Variants in VGLL3 observed in about 807,000 individuals in gnomAD.
VGLL3 encodes the protein vestigial like family member 3.
In VGLL3, 18 loss-of-function variants were observed where a neutral mutation model predicts 29.2. The observed-to-expected ratio is 0.62, with a 90% CI of 0.43 to 0.91. VGLL3 has a LOEUF of 0.91. Ranked by LOEUF, VGLL3 falls within the 40% of genes least tolerant of loss-of-function variation. The probability of loss-of-function intolerance (pLI) is 0.00; values close to 1 mark genes in which losing one functional copy is unlikely to be tolerated. For missense variants in VGLL3, 440 were observed against 413.2 expected, an observed-to-expected ratio of 1.06 and a Z score of -0.56; for synonymous variants, 180 against 151.8, an observed-to-expected ratio of 1.19 and a Z score of -1.36.
rs964089989 is a variant in VGLL3 at position 86,940,418 on chromosome 3, T to C, written c.*6606A>G. 1 of 152,676 alleles carries C rather than the reference T, an allele frequency of 6.5e-6. No individual in the cohort carries two copies. The highest frequency in any genetic ancestry group is 6.5e-5 in the Admixed American group (1 of 15,288). 9.5% of individuals were successfully genotyped at this position (152,676 alleles called of 1,614,324 possible). ...AATTAATATACCCCATTTCATTTTCTTTTCCATTATAAACATGTATTTTAT... is the reference window on the plus strand; with the variant it reads ...AATTAATATACCCCATTTCATTTTCCTTTCCATTATAAACATGTATTTTAT... On this transcript the variant is annotated 3_prime_UTR_variant, in exon 4 of 4. Coordinates refer to ENST00000398399, the MANE Select transcript of VGLL3 (RefSeq NM_016206.4).
chr3:86,989,188 T>C (rs896764853), intron 1 of VGLL3, among the ~76,000 whole-genome samples: 2 of 152,248 alleles, frequency 1.3e-5, no homozygotes, highest in Non-Finnish European at 2.9e-5. Flanking sequence ...TGTTATTTTA[T>C]AAAGGAGGAA....
rs1477313620 is a variant in VGLL3 at position 86,989,189 on chromosome 3, AAAG to A, written c.126+1426_126+1428del. Among the ~76,000 whole-genome samples, 5 of 152,248 alleles carry A rather than the reference AAAG, an allele frequency of 3.3e-5. No homozygotes were observed. The East Asian group carries it at 9.6e-4, about 29-fold the overall frequency. On this transcript the variant is annotated intron_variant, in intron 1 of 3. Transcript: ENST00000398399. ...AACTTCTACTAGTTTGTTATTTTAT[AAAG>A]GAGGAAAGTATCTTTCTGAACATGT...
intron 1 of VGLL3, among the ~76,000 whole-genome samples, chr3:86,988,640 CAAAAAAAAAAAAAAA>C (rs869098443): frequency 2.2e-4 from 3 of 13,770 alleles, no homozygotes; most frequent in Non-Finnish European, 5.8e-4. Context: ...TTTACTTGAC[CAAAAAAAAAAAAAAA>C]AAAAAAAAAA....
chr3:86,942,116 T>C lies in VGLL3; in HGVS notation c.*4908A>G, dbSNP rs531947989. 57 of 152,170 alleles carry C rather than the reference T, an allele frequency of 3.7e-4. No homozygotes were observed. Among genetic ancestry groups the C allele is most frequent in the Non-Finnish European group, 5.6e-4 (38 of 68,022 alleles). 9.4% of individuals were successfully genotyped at this position (152,170 alleles called of 1,614,324 possible). On this transcript the variant is annotated 3_prime_UTR_variant, in exon 4 of 4. Transcript: ENST00000398399. ...TTAAATATTTTCAGAGAATAAACTG[T>C]AATTTCTCTCTCAAACAAGCCTTTC...
intron 3 of VGLL3, among the ~76,000 whole-genome samples, chr3:86,958,163 A>G (rs1704762868): frequency 6.7e-6 from 1 of 148,372 alleles, no homozygotes; most frequent in Non-Finnish European, 1.5e-5. Flanking sequence ...GCTCAATTCC[A>G]TTTTTTTTTT....
chr3:86,977,008 T>C (rs1460955671), intron 2 of VGLL3, among the ~76,000 whole-genome samples: 1 of 152,232 alleles, frequency 6.6e-6, no homozygotes, highest in African/African-American at 2.4e-5. Context: ...GTCTATTACA[T>C]AAGCATCATA....
intron 3 of VGLL3, among the ~76,000 whole-genome samples, chr3:86,960,359 T>C (rs1481319076): frequency 6.6e-6 from 1 of 152,160 alleles, no homozygotes; most frequent in Non-Finnish European, 1.5e-5. Flanking sequence ...AAGCTGTCCA[T>C]GAAGAGAAAA....
At chr3:86,986,902 T>C (rs1705453017) in intron 1 of VGLL3, among the ~76,000 whole-genome samples, 1 of 152,038 alleles carries the variant, frequency 6.6e-6, no homozygotes. Flanking sequence ...CTTAAAAAAG[T>C]ACACTACCAA....
chr3:86,966,236 TA>T (rs1704956549), intron 3 of VGLL3, among the ~76,000 whole-genome samples: 1 of 152,076 alleles, frequency 6.6e-6, no homozygotes, highest in Non-Finnish European at 1.5e-5. Context: ...CTAAGCTGTA[TA>T]ACAAGGAAGG....
intron 2 of VGLL3, among the ~76,000 whole-genome samples, chr3:86,969,684 T>A (rs1209404651): frequency 1.4e-5 from 2 of 144,616 alleles, no homozygotes; most frequent in Non-Finnish European, 3.0e-5. Context: ...ATTTTATTTA[T>A]TTATTTATTT....
At chr3:86,972,200 C>CCATG (rs1218643555) in intron 2 of VGLL3, among the ~76,000 whole-genome samples, 8 of 152,114 alleles carry the variant, frequency 5.3e-5, no homozygotes, top group African/African-American at 1.7e-4. Flanking sequence ...AAGTACTGTA[C>CCATG]CATGATTAGT....
chr3:86,951,432 T>G (rs535093844), intron 3 of VGLL3, among the ~76,000 whole-genome samples: 41 of 152,266 alleles, frequency 2.7e-4, no homozygotes, highest in Middle Eastern at 3.4e-3. Flanking sequence ...ATGAAAGCTC[T>G]GCCCTCATGA....
intron 1 of VGLL3, among the ~76,000 whole-genome samples, chr3:86,989,272 T>G (rs1029513639): frequency 6.6e-6 from 1 of 152,254 alleles, no homozygotes; most frequent in Non-Finnish European, 1.5e-5. Context: ...TGAAGACCTC[T>G]GTAATATCAG....
chr3:86,962,373 C>A lies in VGLL3; in HGVS notation c.937+6217G>T, dbSNP rs575964180. On this transcript the variant is annotated intron_variant, in intron 3 of 3. Transcript: ENST00000398399. ...GGGTGGCATACACTTGCACAGCCCT[C>A]ACAGTATGGATCCTTTTAAATTTTG... 10 of 985,326 alleles carry A rather than the reference C, an allele frequency of 1.0e-5. No homozygotes were observed. The African/African-American group carries it at 1.4e-4, about 14-fold the overall frequency. The allele number at this position is 985,326 out of a possible 1,614,324, so 61.0% of individuals were successfully genotyped here. A position where few individuals can be genotyped will look rare whatever the true frequency, so the allele number is the denominator to read the frequency against.
intron 1 of VGLL3, among the ~76,000 whole-genome samples, chr3:86,982,349 T>C (rs948955780): frequency 3.3e-5 from 5 of 152,136 alleles, no homozygotes; most frequent in African/African-American, 1.2e-4. Flanking sequence ...TTTCACTATG[T>C]TGGCCAGGCT....
At chr3:86,962,533 T>C in intron 3 of VGLL3, 1 of 984,146 alleles carries the variant, frequency 1.0e-6, no homozygotes. Flanking sequence ...ATCTTAACAA[T>C]TTAAATACTA....
At chr3:86,954,257 A>G (rs1163394848) in intron 3 of VGLL3, among the ~76,000 whole-genome samples, 1 of 152,194 alleles carries the variant, frequency 6.6e-6, no homozygotes, top group Admixed American at 6.5e-5. Flanking sequence ...ATAATCCACT[A>G]TGTTATTTTA....
chr3:86,973,441 C>A (rs1400112568), intron 2 of VGLL3, among the ~76,000 whole-genome samples: 1 of 152,142 alleles, frequency 6.6e-6, no homozygotes, highest in Non-Finnish European at 1.5e-5. Flanking sequence ...AAATAAATGG[C>A]TGGGTCAGAA....
intron 3 of VGLL3, chr3:86,962,524 T>A (rs993566485): frequency 1.4e-4 from 139 of 984,952 alleles, no homozygotes; most frequent in South Asian, 3.8e-4. Context: ...TTGTAATGAA[T>A]CTTAACAATT....
Sources: gnomAD v4.1 joint callset for allele counts (sites outside exome capture counted in the v4.1 genomes callset) on GRCh38, gnomAD v4.1.1 for gene constraint, MANE v1.5 for transcripts, NCBI Gene and HGNC (gene_info 2026-07-23, HGNC 2026-07-21) for gene names.